The following CDKL3 variants were observed in gnomAD, a reference collection of about 807,000 sequenced individuals.
CDKL3 encodes the protein cyclin dependent kinase like 3.
A neutral mutation model predicts 69.3 loss-of-function variants in CDKL3; 65 were observed. The ratio of observed to expected loss-of-function variants is 0.94; its 90% CI spans 0.77 to 1.15. The LOEUF (loss-of-function observed/expected upper bound fraction) is 1.15, where lower values mean the gene tolerates loss of function less well. Ranked by LOEUF, CDKL3 falls within the 50% of genes most tolerant of loss-of-function variation. CDKL3 has a pLI of 0.00. For synonymous variants in CDKL3, 202 were observed against 221.6 expected (o/e 0.91, Z 0.79); for missense variants, 652 against 689.2 (o/e 0.95, Z 0.61).
intron 8 of CDKL3, among the ~76,000 whole-genome samples, chr5:134,292,603 A>G (rs542636348): frequency 1.1e-4 from 16 of 152,178 alleles, no homozygotes; most frequent in Admixed American, 4.6e-4. Flanking sequence ...ATATAAGAAC[A>G]TAACTCAATA....
chr5:134,295,890 G>C (rs535835215), downstream of CDKL3, among the ~76,000 whole-genome samples: 75 of 151,910 alleles, frequency 4.9e-4, no homozygotes, highest in Non-Finnish European at 9.0e-4. Flanking sequence ...GAAGAATGCT[G>C]ACAATTTTTT....
Position 134,304,644 on chromosome 5 carries a change from A to G in CDKL3, c.1459-77T>C, listed in dbSNP as rs1468339107. 6.0e-6 allele frequency: 7 copies of G among 1,165,858 alleles called. No homozygotes were observed. In the Admixed American group the frequency reaches 7.7e-5, roughly 13 times the overall value. 72.2% of individuals were successfully genotyped at this position (1,165,858 alleles called of 1,614,324 possible). ...AATGACAATCCTAGAATTGCTAGCC[A>G]TTTGGATGGTATAAGATAGACATAA... is the stretch of plus-strand genomic sequence containing the variant. On this transcript the variant is annotated intron_variant, in intron 10 of 12. Transcript: ENST00000265334.
intron 3 of CDKL3, among the ~76,000 whole-genome samples, chr5:134,352,987 A>G (rs1170351085): frequency 6.6e-6 from 1 of 152,176 alleles, no homozygotes; most frequent in African/African-American, 2.4e-5. Flanking sequence ...ATATCTAAAA[A>G]ATAATTGCCC....
chr5:134,322,247 C>T (rs561828529), intron 4 of CDKL3, among the ~76,000 whole-genome samples: 2 of 152,034 alleles, frequency 1.3e-5, no homozygotes, highest in South Asian at 4.2e-4. Context: ...CTCCTGACCT[C>T]GTGATCTGCC....
chr5:134,361,247 GT>G (rs201771830), intron 2 of CDKL3, among the ~76,000 whole-genome samples: 3 of 148,282 alleles, frequency 2.0e-5, no homozygotes, highest in Non-Finnish European at 3.0e-5. Flanking sequence ...AAAATGAAGG[GT>G]TTTTTTTTGT....
At chr5:134,297,637 AAT>A (rs1765426691), downstream of CDKL3, among the ~76,000 whole-genome samples, 1 of 150,340 alleles carries the variant, frequency 6.7e-6, no homozygotes, top group African/African-American at 2.5e-5. Context: ...GCTGGAGTGC[AAT>A]GGCACGATCT....
intron 10 of CDKL3, among the ~76,000 whole-genome samples, chr5:134,305,841 T>C (rs377021177): frequency 6.6e-5 from 10 of 152,266 alleles, no homozygotes; most frequent in Admixed American, 5.2e-4. Flanking sequence ...CGATGAATAA[T>C]GCAAAATAAG....
chr5:134,344,546 G>C (rs1751337082), intron 4 of CDKL3, among the ~76,000 whole-genome samples: 1 of 152,066 alleles, frequency 6.6e-6, no homozygotes, highest in Non-Finnish European at 1.5e-5. Flanking sequence ...CACACAAAAA[G>C]ACATTCAACC....
intron 2 of CDKL3, among the ~76,000 whole-genome samples, chr5:134,363,935 G>A (rs1312186358): frequency 6.9e-6 from 1 of 144,738 alleles, no homozygotes; most frequent in African/African-American, 2.6e-5. Flanking sequence ...TGCAGCCTGG[G>A]CAACAGGGAG....
intron 4 of CDKL3, among the ~76,000 whole-genome samples, chr5:134,339,949 T>C (rs1303748922): frequency 6.6e-6 from 1 of 151,934 alleles, no homozygotes; most frequent in East Asian, 1.9e-4. Flanking sequence ...TACAGGAGTT[T>C]GAGACCAGCC....
chr5:134,357,675 C>T (rs1470157046), intron 3 of CDKL3, among the ~76,000 whole-genome samples: 1 of 151,738 alleles, frequency 6.6e-6, no homozygotes, highest in East Asian at 1.9e-4. Flanking sequence ...CCTTTGTTTT[C>T]ATCCCTCTCA....
chr5:134,288,720 C>G (rs1764987908), intron 8 of CDKL3, among the ~76,000 whole-genome samples: 1 of 152,108 alleles, frequency 6.6e-6, no homozygotes, highest in Non-Finnish European at 1.5e-5. Flanking sequence ...CACTACAAAC[C>G]CACTGTGTCC....
intron 4 of CDKL3, 70 bp downstream of exon 4, chr5:134,350,179 C>A (rs1042532739): frequency 2.5e-6 from 3 of 1,212,330 alleles, no homozygotes; most frequent in East Asian, 2.7e-5. Flanking sequence ...CAGAGCAACA[C>A]GCCATCTCAA....
rs571533384 is a variant in CDKL3 at position 134,308,725 on chromosome 5, A to T, written c.884T>A (p.Phe295Tyr). Residue 295 changes from phenylalanine (F) to tyrosine (Y), a missense_variant and splice_region_variant, in exon 8 of 13, where the codon TTC (phenylalanine) becomes TAC (tyrosine). By Grantham distance (22) the Phe-to-Tyr change is conservative (BLOSUM62 3). Coordinates refer to ENST00000265334, the MANE Select transcript of CDKL3 (RefSeq NM_001113575.2). ...TAATTTAGCTTTCAGTTCTGGCATG[A>T]ATCTGACAAAACAAGCAATATCAAC... ...YFTRDGFIEKFMPELKAKLLQ... is the reference protein window; with the variant it reads ...YFTRDGFIEKYMPELKAKLLQ... The T allele has an allele frequency of 1.9e-6, 3 of 1,582,796 alleles. No individual in the cohort carries two copies. The highest frequency in any genetic ancestry group is 2.6e-6 in the Non-Finnish European group (3 of 1,171,812).
chr5:134,298,374 C>G, downstream of CDKL3: 1 of 1,189,212 alleles, frequency 8.4e-7, no homozygotes, highest in Non-Finnish European at 1.0e-6. Context: ...CAGTTTGTAT[C>G]ATGTCACGGC....
At chr5:134,302,832 G>A (rs1008701871) in intron 11 of CDKL3, 145 bp from the exon 12 acceptor site, 9 of 523,342 alleles carry the variant, frequency 1.7e-5, no homozygotes, top group East Asian at 7.0e-5. Flanking sequence ...GAGTTGTAAT[G>A]GTAAAATATG....
intron 4 of CDKL3, among the ~76,000 whole-genome samples, chr5:134,343,950 G>A (rs556788180): frequency 2.0e-5 from 3 of 152,176 alleles, no homozygotes; most frequent in East Asian, 3.9e-4. Flanking sequence ...TTGATGAATC[G>A]GCTCTGTCTA....
At chr5:134,346,106 C>G (rs1751801250) in intron 4 of CDKL3, among the ~76,000 whole-genome samples, 1 of 152,174 alleles carries the variant, frequency 6.6e-6, no homozygotes, top group Non-Finnish European at 1.5e-5. Flanking sequence ...TTCCCCAAAG[C>G]AAGCCATAAA....
intron 2 of CDKL3, among the ~76,000 whole-genome samples, chr5:134,361,478 A>G (rs549701603): frequency 7.2e-5 from 11 of 152,240 alleles, no homozygotes; most frequent in Non-Finnish European, 1.0e-4. Context: ...CGAAGAGACT[A>G]AAGTCCTTAA....
Sources: gnomAD v4.1 joint callset for allele counts (sites outside exome capture counted in the v4.1 genomes callset) on GRCh38, gnomAD v4.1.1 for gene constraint, MANE v1.5 for transcripts, NCBI Gene and HGNC (gene_info 2026-07-23, HGNC 2026-07-21) for gene names.